Variants in FKBP9 observed in about 807,000 individuals in gnomAD.
FKBP9 encodes FKBP prolyl isomerase 9.
In FKBP9, 27 loss-of-function variants were observed where a neutral mutation model predicts 55.6. The ratio of observed to expected loss-of-function variants is 0.49; its 90% CI spans 0.36 to 0.67. The LOEUF (loss-of-function observed/expected upper bound fraction) is 0.67. FKBP9 is among the 30% of genes least tolerant of loss of function. The pLI is 0.00. For synonymous variants in FKBP9, 267 were observed against 296.5 expected (o/e 0.90, Z 1.02); for missense variants, 539 against 742.8 (o/e 0.73, Z 3.19).
chr7:32,996,779 T>C (rs1583869165), intron 7 of FKBP9, among the ~76,000 whole-genome samples: 1 of 75,186 alleles, frequency 1.3e-5, no homozygotes, highest in East Asian at 3.3e-4. Context: ...AGTCTCACTC[T>C]TTTTTTTTTT....
intron 1 of FKBP9, among the ~76,000 whole-genome samples, chr7:32,973,573 A>G (rs1488917165): frequency 1.6e-5 from 1 of 64,042 alleles, no homozygotes; most frequent in African/African-American, 5.6e-5. Context: ...GACTTTAAAA[A>G]AAATCAAGTG....
At position 32,973,233 on chromosome 7, in the gene FKBP9, G is replaced by A. The variant is rs187654417; in HGVS notation, c.222-1384G>A. Among the ~76,000 whole-genome samples the A allele has an allele frequency of 2.0e-3, 308 of 152,222 alleles. 1 individual carries two copies. The highest frequency in any genetic ancestry group is 6.6e-3 in the African/African-American group (276 of 41,530). ...GTCCCCTAATAGGCAAACCCCTGTT[G>A]ATTGCTAAATTTGACATTGAAGAAG... is the stretch of plus-strand genomic sequence containing the variant. On this transcript the variant is annotated intron_variant, in intron 1 of 9. Transcript: ENST00000242209.
At chr7:32,986,521 T>C (rs1784584265) in intron 5 of FKBP9, among the ~76,000 whole-genome samples, 1 of 152,204 alleles carries the variant, frequency 6.6e-6, no homozygotes. Flanking sequence ...CCTCCAGGCC[T>C]TCCTGGCCAG....
At chr7:32,993,617 G>A (rs1226038834) in intron 6 of FKBP9, among the ~76,000 whole-genome samples, 5 of 152,218 alleles carry the variant, frequency 3.3e-5, no homozygotes, top group Admixed American at 3.3e-4. Flanking sequence ...CTGAGGTCAG[G>A]AGTTCAAGAT....
chr7:32,985,822 G>A (rs1447221302), intron 5 of FKBP9, among the ~76,000 whole-genome samples: 3 of 151,848 alleles, frequency 2.0e-5, no homozygotes, highest in South Asian at 4.2e-4. Flanking sequence ...GTGAAACCCC[G>A]TCTCTACCAA....
At chr7:32,965,446 A>G (rs1043798775) in intron 1 of FKBP9, among the ~76,000 whole-genome samples, 12 of 151,964 alleles carry the variant, frequency 7.9e-5, no homozygotes, top group Non-Finnish European at 1.6e-4. Flanking sequence ...TTGTCCTTTT[A>G]AAAGCTCGTT....
chr7:32,974,791 C>A (rs775997771), intron 2 of FKBP9, 29 bp downstream of exon 2: 11 of 1,591,638 alleles, frequency 6.9e-6, no homozygotes, highest in Non-Finnish European at 9.4e-6. Context: ...TTTATAAACA[C>A]GTCAGCAGAA....
intron 1 of FKBP9, among the ~76,000 whole-genome samples, chr7:32,964,009 AG>A (rs1229224419): frequency 6.6e-6 from 1 of 152,244 alleles, no homozygotes; most frequent in African/African-American, 2.4e-5. Context: ...GGATGCAGTC[AG>A]GGGGGCCTGA....
chr7:32,967,731 T>C (rs1784173024), intron 1 of FKBP9, among the ~76,000 whole-genome samples: 1 of 152,046 alleles, frequency 6.6e-6, no homozygotes, highest in Non-Finnish European at 1.5e-5. Context: ...GTTTTTGTTT[T>C]AGTTTAGACA....
intron 5 of FKBP9, among the ~76,000 whole-genome samples, chr7:32,981,768 G>T (rs1784480113): frequency 6.6e-6 from 1 of 151,642 alleles, no homozygotes; most frequent in Non-Finnish European, 1.5e-5. Context: ...GCACTGGCGG[G>T]TGCCTGTAAT....
At chr7:32,983,923 T>C (rs1784529058) in intron 5 of FKBP9, among the ~76,000 whole-genome samples, 1 of 150,988 alleles carries the variant, frequency 6.6e-6, no homozygotes, top group Non-Finnish European at 1.5e-5. Flanking sequence ...TGTTTCTTGT[T>C]GATTTGAAGA....
At chr7:32,959,439 A>G (rs1783975418) in intron 1 of FKBP9, among the ~76,000 whole-genome samples, 1 of 152,122 alleles carries the variant, frequency 6.6e-6, no homozygotes, top group South Asian at 2.1e-4. Context: ...AAACGAAACA[A>G]AAAAAACAGC....
At chr7:32,979,347 T>C (rs1583853870) in intron 4 of FKBP9, 15 of 623,210 alleles carry the variant, frequency 2.4e-5, no homozygotes, top group South Asian at 5.8e-5. Context: ...AATGAAAAGA[T>C]ACAGTAAGGC....
At chr7:32,969,706 C>A (rs962562408) in intron 1 of FKBP9, among the ~76,000 whole-genome samples, 3 of 152,036 alleles carry the variant, frequency 2.0e-5, no homozygotes, top group African/African-American at 7.2e-5. Flanking sequence ...TCTTTAGAGT[C>A]CTTCAAGATT....
At chr7:32,972,125 G>T (rs1329393602) in intron 1 of FKBP9, among the ~76,000 whole-genome samples, 1 of 152,142 alleles carries the variant, frequency 6.6e-6, no homozygotes, top group Non-Finnish European at 1.5e-5. Flanking sequence ...CTGCCAGTTT[G>T]ATGATAGCTT....
rs1371365095 is a variant in FKBP9 at position 33,000,138 on chromosome 7, A to G, written c.1250A>G (p.Asn417Ser). The change falls in exon 8 of 10, where the codon AAT becomes AGT. Residue 417 changes from asparagine (N) to serine (S), a missense_variant. By Grantham distance (46) the Asn-to-Ser change is conservative. Transcript: ENST00000242209. Reference sequence around the variant, plus strand: ...AGGTGGAATTTAGGCAAAACTTACAATATTGTTCTGGGATCTGGGCAAGTT... The same window carrying G: ...AGGTGGAATTTAGGCAAAACTTACAGTATTGTTCTGGGATCTGGGCAAGTT... ...DSTWNLGKTY[N>S]IVLGSGQVVL... The G allele has an allele frequency of 1.9e-6, 3 of 1,614,012 alleles. No individual in the cohort carries two copies. Among genetic ancestry groups the G allele is most frequent in the African/African-American group, 1.3e-5 (1 of 74,910 alleles).
chr7:32,977,862 TAC>T (rs1354123235), intron 4 of FKBP9, among the ~76,000 whole-genome samples: 1 of 129,362 alleles, frequency 7.7e-6, no homozygotes, highest in Admixed American at 7.9e-5. Flanking sequence ...TATATATATA[TAC>T]ATGCCCATAT....
chr7:32,973,692 T>TTTG (rs1554285047), intron 1 of FKBP9, among the ~76,000 whole-genome samples: 1,495 of 111,934 alleles, frequency 0.013, 51 homozygotes, highest in Non-Finnish European at 0.021. Flanking sequence ...GTTTTTTTTT[T>TTTG]TTTTTTTTTT....
At chr7:32,969,871 C>T (rs543440111) in intron 1 of FKBP9, among the ~76,000 whole-genome samples, 18 of 151,884 alleles carry the variant, frequency 1.2e-4, no homozygotes, top group Non-Finnish European at 2.1e-4. Flanking sequence ...GGCATGGTGG[C>T]GGGCCCCTGT....
Sources: allele counts gnomAD v4.1 joint callset (sites outside exome capture counted in the v4.1 genomes callset), GRCh38; gene constraint gnomAD v4.1.1; transcripts MANE v1.5; gene names NCBI Gene and HGNC (gene_info 2026-07-23, HGNC 2026-07-21).